ATRNL1: variants seen among roughly 807,000 people sequenced by gnomAD.
The protein encoded by ATRNL1 is attractin-like protein 1.
Under a neutral mutation model 182.7 loss-of-function variants are expected in ATRNL1, and 95 were observed. The ratio of observed to expected loss-of-function variants is 0.52; its 90% CI spans 0.44 to 0.62. ATRNL1 has a LOEUF of 0.62. ATRNL1 is among the 20% of genes least tolerant of loss of function. ATRNL1 has a pLI of 0.00. For missense variants in ATRNL1, 1,471 were observed against 1,679.5 expected, an observed-to-expected ratio of 0.88 and a Z score of 2.17; for synonymous variants, 576 against 568.3, an observed-to-expected ratio of 1.01 and a Z score of -0.19.
chr10:115,154,929 G>T (rs1486655067), intron 5 of ATRNL1, among the ~76,000 whole-genome samples: 2 of 152,076 alleles, frequency 1.3e-5, no homozygotes, highest in Non-Finnish European at 2.9e-5. Context: ...CCCTTTAAAT[G>T]TATTAATTTC....
chr10:115,746,968 ATTAACT>A (rs1948310500), intron 27 of ATRNL1, among the ~76,000 whole-genome samples: 1 of 152,108 alleles, frequency 6.6e-6, no homozygotes, highest in Non-Finnish European at 1.5e-5. Context: ...GTAGGGCCAA[ATTAACT>A]TTAATGTTGC....
At chr10:115,737,750 G>A (rs951406829) in intron 27 of ATRNL1, among the ~76,000 whole-genome samples, 1 of 152,112 alleles carries the variant, frequency 6.6e-6, no homozygotes, top group Admixed American at 6.6e-5. Context: ...CAGAGAGAAT[G>A]AGGACTCAGA....
At chr10:115,421,677 C>A (rs1234516431) in intron 20 of ATRNL1, among the ~76,000 whole-genome samples, 2 of 152,058 alleles carry the variant, frequency 1.3e-5, no homozygotes. Context: ...ACATTCTTTA[C>A]ATAATTAGAA....
chr10:115,856,233 G>C (rs190039747), intron 28 of ATRNL1, among the ~76,000 whole-genome samples: 2 of 151,764 alleles, frequency 1.3e-5, no homozygotes, highest in Admixed American at 1.3e-4. Context: ...TTCAGGACTA[G>C]CCTGGCCAAC....
At chr10:115,847,366 C>T (rs923141523) in intron 27 of ATRNL1, among the ~76,000 whole-genome samples, 15 of 151,962 alleles carry the variant, frequency 9.9e-5, no homozygotes, top group African/African-American at 2.4e-4. Flanking sequence ...ATTTTAGGTG[C>T]TCTTTCCACG....
At chr10:115,436,189 C>T (rs946328738) in intron 21 of ATRNL1, among the ~76,000 whole-genome samples, 1 of 151,976 alleles carries the variant, frequency 6.6e-6, no homozygotes, top group Non-Finnish European at 1.5e-5. Context: ...CTTCATTGAA[C>T]ATTTCTTTCA....
intron 26 of ATRNL1, among the ~76,000 whole-genome samples, chr10:115,600,394 G>A (rs990311660): frequency 1.3e-5 from 2 of 151,990 alleles, no homozygotes; most frequent in Admixed American, 6.6e-5. Context: ...CAGTTTCTCC[G>A]CATCCTTGCC....
At chr10:115,620,504 A>G (rs539004015) in intron 26 of ATRNL1, among the ~76,000 whole-genome samples, 210 of 152,222 alleles carry the variant, frequency 1.4e-3, no homozygotes, top group Non-Finnish European at 2.5e-3. Flanking sequence ...AGAGACAAAT[A>G]TAAAACTGTC....
At chr10:115,906,141 C>A (rs1389413869) in intron 28 of ATRNL1, among the ~76,000 whole-genome samples, 1 of 152,106 alleles carries the variant, frequency 6.6e-6, no homozygotes, top group Non-Finnish European at 1.5e-5. Context: ...GACTTTACAA[C>A]AAGTAAATAT....
chr10:115,799,957 G>A (rs547517741), intron 27 of ATRNL1, among the ~76,000 whole-genome samples: 19 of 151,900 alleles, frequency 1.3e-4, no homozygotes, highest in African/African-American at 4.4e-4. Context: ...ATGGTGGCTC[G>A]CACCTATAAT....
At chr10:115,860,358 C>T (rs948820125) in intron 28 of ATRNL1, among the ~76,000 whole-genome samples, 10 of 152,094 alleles carry the variant, frequency 6.6e-5, no homozygotes, top group Non-Finnish European at 1.2e-4. Context: ...ATCTGCCTTC[C>T]CTTTGCTCAC....
chr10:115,358,885 C>G (rs1592515724), intron 19 of ATRNL1, among the ~76,000 whole-genome samples: 1 of 151,648 alleles, frequency 6.6e-6, no homozygotes, highest in Non-Finnish European at 1.5e-5. Context: ...TTAGCCTTGA[C>G]TGTTACATTA....
At chr10:115,930,837 T>C (rs1163315082) in intron 28 of ATRNL1, among the ~76,000 whole-genome samples, 2 of 152,214 alleles carry the variant, frequency 1.3e-5, no homozygotes, top group African/African-American at 4.8e-5. Context: ...CCTTTGGCAC[T>C]GAGGCTCACT....
intron 26 of ATRNL1, among the ~76,000 whole-genome samples, chr10:115,608,195 G>A (rs372323039): frequency 6.6e-6 from 1 of 151,848 alleles, no homozygotes; most frequent in African/African-American, 2.4e-5. Flanking sequence ...CTACTCAGTG[G>A]TATTTTCCAA....
At chr10:115,200,536 G>C (rs1335617606) in intron 8 of ATRNL1, among the ~76,000 whole-genome samples, 1 of 148,874 alleles carries the variant, frequency 6.7e-6, no homozygotes, top group Non-Finnish European at 1.5e-5. Context: ...TTTCATCCAT[G>C]TCCCTACAAA....
At chr10:115,244,362 A>T (rs1455601816) in intron 10 of ATRNL1, among the ~76,000 whole-genome samples, 4 of 152,070 alleles carry the variant, frequency 2.6e-5, no homozygotes, top group Non-Finnish European at 4.4e-5. Flanking sequence ...CCATTCTATT[A>T]TTGCATGATG....
At chr10:115,371,925 TG>T (rs1857416622) in intron 19 of ATRNL1, among the ~76,000 whole-genome samples, 1 of 152,148 alleles carries the variant, frequency 6.6e-6, no homozygotes, top group Non-Finnish European at 1.5e-5. Flanking sequence ...AGTGGAATCA[TG>T]GGGACAGGTC....
At chr10:115,241,166 G>C (rs1472572271) in intron 9 of ATRNL1, among the ~76,000 whole-genome samples, 2 of 151,858 alleles carry the variant, frequency 1.3e-5, no homozygotes, top group African/African-American at 4.8e-5. Flanking sequence ...GAGTCCATAT[G>C]AGTTACACAG....
chr10:115,115,608 T>A (rs1844448082), intron 1 of ATRNL1, among the ~76,000 whole-genome samples: 1 of 152,094 alleles, frequency 6.6e-6, no homozygotes, highest in East Asian at 1.9e-4. Context: ...AATCTGTTTT[T>A]AAAAAAGATT....
Sources: gnomAD v4.1 joint callset for allele counts (sites outside exome capture counted in the v4.1 genomes callset) on GRCh38, gnomAD v4.1.1 for gene constraint, MANE v1.5 for transcripts, NCBI Gene and HGNC (gene_info 2026-07-23, HGNC 2026-07-21) for gene names.